SRPK2: variants seen among roughly 807,000 people sequenced by gnomAD.
SRPK2 encodes the protein SRSF protein kinase 2.
A neutral mutation model predicts 90.8 loss-of-function variants in SRPK2; 21 were observed. The observed-to-expected ratio is 0.23, with a 90% CI of 0.16 to 0.33. The LOEUF is 0.33. SRPK2 is among the 10% of genes least tolerant of loss of function. The pLI, the probability that SRPK2 is intolerant of heterozygous loss-of-function variation, is 1.00. For synonymous variants in SRPK2, 288 were observed against 311.1 expected, an observed-to-expected ratio of 0.93 and a Z score of 0.78; for missense variants, 620 against 869.0, an observed-to-expected ratio of 0.71 and a Z score of 3.60.
chr7:105,126,416 T>C (rs1801217748), intron 14 of SRPK2, 76 bp from the exon 15 acceptor site: 5 of 1,072,132 alleles, frequency 4.7e-6, no homozygotes, highest in South Asian at 2.6e-5. Context: ...GAGGGAAAAA[T>C]TGAAATTAGT....
At chr7:105,169,735 C>G (rs1297765514) in intron 3 of SRPK2, among the ~76,000 whole-genome samples, 1 of 152,126 alleles carries the variant, frequency 6.6e-6, no homozygotes, top group African/African-American at 2.4e-5. Flanking sequence ...TCTATGAATT[C>G]CTATTAGACT....
At chr7:105,337,040 G>A (rs1815175845) in intron 2 of SRPK2, among the ~76,000 whole-genome samples, 1 of 152,026 alleles carries the variant, frequency 6.6e-6, no homozygotes, top group Admixed American at 6.6e-5. Context: ...GACCTCAAGT[G>A]AGCCACCCAC....
intron 2 of SRPK2, among the ~76,000 whole-genome samples, chr7:105,303,122 T>C (rs1461445921): frequency 6.6e-6 from 1 of 151,962 alleles, no homozygotes; most frequent in Non-Finnish European, 1.5e-5. Context: ...CACCATGGAA[T>C]ACTATGCAGC....
intron 2 of SRPK2, among the ~76,000 whole-genome samples, chr7:105,330,565 T>C (rs928871683): frequency 6.6e-6 from 1 of 151,986 alleles, no homozygotes; most frequent in Non-Finnish European, 1.5e-5. Context: ...CCCAAGGAAA[T>C]TAATTTGAAA....
intron 2 of SRPK2, among the ~76,000 whole-genome samples, chr7:105,383,436 A>G (rs1178891029): frequency 7.0e-6 from 1 of 142,740 alleles, no homozygotes; most frequent in African/African-American, 2.6e-5. Flanking sequence ...TTTTTTTTTA[A>G]TTGAGACGGA....
chr7:105,320,600 C>T (rs531860120), intron 2 of SRPK2, among the ~76,000 whole-genome samples: 3 of 152,204 alleles, frequency 2.0e-5, no homozygotes, highest in Admixed American at 6.5e-5. Flanking sequence ...ATAATTTAGC[C>T]ATTTAGTTTC....
chr7:105,360,086 G>A (rs1409884366), intron 2 of SRPK2, among the ~76,000 whole-genome samples: 1 of 152,148 alleles, frequency 6.6e-6, no homozygotes, highest in African/African-American at 2.4e-5. Context: ...TACAGATTTA[G>A]GATAGTTAGC....
chr7:105,135,390 A>C (rs1255152832), intron 11 of SRPK2, among the ~76,000 whole-genome samples: 1 of 152,132 alleles, frequency 6.6e-6, no homozygotes. Flanking sequence ...GACCAGCTGA[A>C]CCATCGTCTG....
chr7:105,356,372 T>C (rs936235241), intron 2 of SRPK2, among the ~76,000 whole-genome samples: 1 of 152,152 alleles, frequency 6.6e-6, no homozygotes, highest in Non-Finnish European at 1.5e-5. Flanking sequence ...GGACAAGAGA[T>C]AATCCCTATA....
intron 2 of SRPK2, among the ~76,000 whole-genome samples, chr7:105,337,230 A>C (rs1815198335): frequency 6.6e-6 from 1 of 151,998 alleles, no homozygotes; most frequent in South Asian, 2.1e-4. Flanking sequence ...TGAAGCCTTA[A>C]CCCCCAGTGT....
intron 2 of SRPK2, chr7:105,301,984 G>C (rs1810605980): frequency 1.2e-6 from 2 of 1,606,760 alleles, no homozygotes; most frequent in Non-Finnish European, 1.7e-6. Context: ...AGAAGCGTAA[G>C]CTGGCAGACA....
chr7:105,215,733 C>T (rs1389722363), intron 2 of SRPK2, among the ~76,000 whole-genome samples: 1 of 152,054 alleles, frequency 6.6e-6, no homozygotes, highest in East Asian at 1.9e-4. Flanking sequence ...CAAAGCCAGC[C>T]ACCAAAGACC....
intron 2 of SRPK2, among the ~76,000 whole-genome samples, chr7:105,297,888 T>C (rs1353760813): frequency 6.6e-6 from 1 of 152,046 alleles, no homozygotes; most frequent in East Asian, 1.9e-4. Context: ...ATTACAGGCA[T>C]GCGCCACTAT....
intron 7 of SRPK2, among the ~76,000 whole-genome samples, chr7:105,158,154 A>C (rs532112626): frequency 6.6e-5 from 10 of 152,344 alleles, no homozygotes; most frequent in Admixed American, 2.6e-4. Flanking sequence ...ACTGAACCTC[A>C]GATTTTCATC....
At chr7:105,182,231 CAAAAAA>C (rs368137906) in intron 3 of SRPK2, among the ~76,000 whole-genome samples, 12 of 65,840 alleles carry the variant, frequency 1.8e-4, no homozygotes, top group African/African-American at 2.4e-4. Flanking sequence ...GACTCTGTCT[CAAAAAA>C]AAAAAAAAAA....
intron 2 of SRPK2, among the ~76,000 whole-genome samples, chr7:105,387,504 T>C (rs1821745588): frequency 7.3e-6 from 1 of 136,304 alleles, no homozygotes; most frequent in African/African-American, 2.8e-5. Flanking sequence ...ACTCTAATGG[T>C]TTTTTCTTTT....
chr7:105,205,469 C>CA (rs1796069668), intron 2 of SRPK2, among the ~76,000 whole-genome samples: 1 of 151,696 alleles, frequency 6.6e-6, no homozygotes, highest in Admixed American at 6.6e-5. Context: ...ATTCTCTTCA[C>CA]AGAGCCCTGA....
intron 2 of SRPK2, among the ~76,000 whole-genome samples, chr7:105,276,848 G>A (rs1031989802): frequency 5.9e-5 from 9 of 152,168 alleles, no homozygotes; most frequent in African/African-American, 9.7e-5. Flanking sequence ...AAAACCACAC[G>A]CTTCTTCAGA....
chr7:105,221,347 T>C (rs1798069439), intron 2 of SRPK2, among the ~76,000 whole-genome samples: 1 of 152,204 alleles, frequency 6.6e-6, no homozygotes, highest in African/African-American at 2.4e-5. Flanking sequence ...GCTCCATCAG[T>C]TATAAACCCT....
Sources: gnomAD v4.1 joint callset for allele counts (sites outside exome capture counted in the v4.1 genomes callset) on GRCh38, gnomAD v4.1.1 for gene constraint, MANE v1.5 for transcripts, NCBI Gene and HGNC (gene_info 2026-07-23, HGNC 2026-07-21) for gene names.